The following ST3GAL3 variants were observed in gnomAD, a reference collection of about 807,000 sequenced individuals.
ST3GAL3 encodes the protein CMP-N-acetylneuraminate-beta-1,4-galactoside alpha-2,3-sialyltransferase.
In ST3GAL3, 21 loss-of-function variants were observed where a neutral mutation model predicts 50.1. The ratio of observed to expected loss-of-function variants is 0.42; its 90% CI spans 0.30 to 0.60. The LOEUF is 0.60. Ranked by LOEUF, ST3GAL3 falls within the 20% of genes least tolerant of loss-of-function variation. The pLI is 0.19. For synonymous variants in ST3GAL3, 183 were observed against 190.0 expected (o/e 0.96, Z 0.30); for missense variants, 353 against 489.4 (o/e 0.72, Z 2.63).
chr1:43,774,356 T>G (rs563684301), intron 2 of ST3GAL3, among the ~76,000 whole-genome samples: 3 of 152,310 alleles, frequency 2.0e-5, no homozygotes, highest in Admixed American at 2.0e-4. Flanking sequence ...ATTTTCTGTC[T>G]TATTGCCTTG....
chr1:43,905,596 G>A (rs1478730234), intron 9 of ST3GAL3, among the ~76,000 whole-genome samples: 2 of 14,038 alleles, frequency 1.4e-4, no homozygotes, highest in African/African-American at 2.3e-4. Flanking sequence ...TTCTCTTCCC[G>A]CCACTGTTTC....
chr1:43,928,283 C>T (rs2154299814), intron 11 of ST3GAL3, among the ~76,000 whole-genome samples: 1 of 152,306 alleles, frequency 6.6e-6, no homozygotes, highest in East Asian at 1.9e-4. Context: ...CAGCTCACTT[C>T]TCAGCACCAC....
rs563651305 is a variant in ST3GAL3 at position 43,852,472 on chromosome 1, T to C, written c.302+14161T>C. On this transcript the variant is annotated intron_variant, in intron 5 of 11. Transcript: ENST00000347631. ...TTGTGTATATAACTATTGGCTGGTA[T>C]TTCTTCTCCCATAGAGACTGTGAAC... Among the ~76,000 whole-genome samples, 5 of 152,340 alleles carry C rather than the reference T, an allele frequency of 3.3e-5. No individual in the cohort carries two copies. In the East Asian group the frequency reaches 9.6e-4, roughly 29 times the overall value.
intron 5 of ST3GAL3, among the ~76,000 whole-genome samples, chr1:43,883,436 C>T (rs758302288): frequency 1.2e-4 from 18 of 152,198 alleles, no homozygotes; most frequent in Admixed American, 1.2e-3. Context: ...TCCACTGCAA[C>T]GTGCCAACAA....
chr1:43,846,063 G>A (rs902807613), intron 5 of ST3GAL3, among the ~76,000 whole-genome samples: 5 of 152,082 alleles, frequency 3.3e-5, no homozygotes, highest in African/African-American at 4.8e-5. Flanking sequence ...AAATATGGTC[G>A]ATTTTGGTGA....
At chr1:43,821,200 G>A (rs956273876) in intron 4 of ST3GAL3, among the ~76,000 whole-genome samples, 7 of 152,160 alleles carry the variant, frequency 4.6e-5, no homozygotes, top group Non-Finnish European at 8.8e-5. Flanking sequence ...AGAACAGGAA[G>A]GGAGGGTAAA....
At chr1:43,796,597 C>T (rs1288777331) in intron 3 of ST3GAL3, among the ~76,000 whole-genome samples, 2 of 152,150 alleles carry the variant, frequency 1.3e-5, no homozygotes, top group East Asian at 1.9e-4. Context: ...ATTTGCTGCC[C>T]GAACCCAACC....
At position 43,899,448 on chromosome 1, in the gene ST3GAL3, C is replaced by G; in HGVS notation, c.558-93C>G. On this transcript the variant is annotated intron_variant, in intron 8 of 11. Coordinates refer to ENST00000347631, the MANE Select transcript of ST3GAL3 (RefSeq NM_006279.5). This position sits in a 1 kb window ranked among gnomAD's most constrained non-coding sequence, Gnocchi z 5.4. Reference sequence around the variant, plus strand: ...CCTGGGGAGAATAGGTCCAGGTGACCTGGACTCCCTATTCTCCATGCCTGG... The same window carrying G: ...CCTGGGGAGAATAGGTCCAGGTGACGTGGACTCCCTATTCTCCATGCCTGG... The G allele has an allele frequency of 6.3e-7, 1 of 1,586,674 alleles. No individual in the cohort carries two copies. The highest frequency in any genetic ancestry group is 8.6e-7 in the Non-Finnish European group (1 of 1,166,590).
At position 43,782,494 on chromosome 1, in the gene ST3GAL3, A is replaced by G. The variant is rs138108253; in HGVS notation, c.119-9608A>G. Among the ~76,000 whole-genome samples, 164 of 152,312 alleles carry G rather than the reference A, an allele frequency of 1.1e-3. 1 individual carries two copies. Among genetic ancestry groups the G allele is most frequent in the African/African-American group, 3.8e-3 (157 of 41,572 alleles). On this transcript the variant is annotated intron_variant, in intron 2 of 11. Coordinates refer to ENST00000347631, the MANE Select transcript of ST3GAL3 (RefSeq NM_006279.5). ...TCTCTACTCTGTCTACTTTTACTCA[A>G]TAAAATCCAGACTCCTAACTTGGTA...
intron 2 of ST3GAL3, 137 bp downstream of exon 2, chr1:43,736,517 A>C: frequency 1.8e-5 from 27 of 1,512,510 alleles, no homozygotes; most frequent in Non-Finnish European, 2.5e-5. Flanking sequence ...TTTGGCCTAG[A>C]AATTGCCTGC....
At chr1:43,780,880 T>C (rs1191616670) in intron 2 of ST3GAL3, among the ~76,000 whole-genome samples, 4 of 152,190 alleles carry the variant, frequency 2.6e-5, no homozygotes, top group Non-Finnish European at 5.9e-5. Context: ...TCATTTGTTT[T>C]GGTCTCCTGT....
At chr1:43,921,085 A>G (rs1196784787) in intron 11 of ST3GAL3, 157 bp downstream of exon 11, 3 of 890,834 alleles carry the variant, frequency 3.4e-6, no homozygotes, top group Non-Finnish European at 5.2e-6. Flanking sequence ...ACAGCCTCCC[A>G]CTGAACCCAG....
At chr1:43,909,840 A>G (rs991089693) in intron 9 of ST3GAL3, among the ~76,000 whole-genome samples, 5 of 152,270 alleles carry the variant, frequency 3.3e-5, no homozygotes, top group African/African-American at 1.2e-4. Context: ...AACTGAACAG[A>G]TCACACAGAA....
chr1:43,877,014 G>A (rs963507855), intron 5 of ST3GAL3, among the ~76,000 whole-genome samples: 32 of 152,152 alleles, frequency 2.1e-4, no homozygotes, highest in Admixed American at 2.1e-3. Flanking sequence ...TATGGGGGCT[G>A]GAATTCTTAT....
In ST3GAL3 at chr1:43,899,051, T is replaced by C; in HGVS notation, c.462-117T>C. On this transcript the variant is annotated intron_variant, in intron 7 of 11. Transcript: ENST00000347631. This position sits in a 1 kb window ranked among gnomAD's most constrained non-coding sequence, Gnocchi z 5.4. ...AATGCTGCCAGAAGCCCATTGGTCT[T>C]CTTCCTCTATCCCAGCCTGGTCCTG... The C allele has an allele frequency of 6.8e-7, 1 of 1,459,902 alleles. No homozygotes were observed. The highest frequency in any genetic ancestry group is 9.4e-7 in the Non-Finnish European group (1 of 1,067,124). The allele number at this position is 1,459,902 out of a possible 1,614,324, so 90.4% of individuals were successfully genotyped here.
At position 43,915,857 on chromosome 1, in the gene ST3GAL3, G is replaced by A. The variant is rs186206099; in HGVS notation, c.745-4547G>A. Among the ~76,000 whole-genome samples the A allele has an allele frequency of 2.5e-4, 38 of 152,314 alleles. 1 individual carries two copies. The highest frequency in any genetic ancestry group is 2.0e-3 in the Admixed American group (30 of 15,304). Reference sequence around the variant, plus strand: ...TGAGAGGCTGGGCGCAGTGGCTCACGCCTGTAATCCCAGCACTTTGGGAGG... The same window carrying A: ...TGAGAGGCTGGGCGCAGTGGCTCACACCTGTAATCCCAGCACTTTGGGAGG... On this transcript the variant is annotated intron_variant, in intron 9 of 11. Transcript: ENST00000347631.
intron 2 of ST3GAL3, among the ~76,000 whole-genome samples, chr1:43,744,658 AT>A (rs1682709165): frequency 3.9e-5 from 5 of 127,280 alleles, no homozygotes; most frequent in African/African-American, 2.3e-4. Context: ...CTCTCAAAAA[AT>A]AAATAAATAA....
At chr1:43,924,010 T>C (rs1046005218) in intron 11 of ST3GAL3, among the ~76,000 whole-genome samples, 2 of 151,944 alleles carry the variant, frequency 1.3e-5, no homozygotes, top group Non-Finnish European at 2.9e-5. Flanking sequence ...TTCCATTACA[T>C]TGGGGGTTAG....
At chr1:43,760,484 A>T (rs1353369392) in intron 2 of ST3GAL3, among the ~76,000 whole-genome samples, 1 of 152,250 alleles carries the variant, frequency 6.6e-6, no homozygotes, top group African/African-American at 2.4e-5. Flanking sequence ...GGCCAGGCGC[A>T]GTGGCTCACG....
Sources: gnomAD v4.1 joint callset for allele counts (sites outside exome capture counted in the v4.1 genomes callset) on GRCh38, gnomAD v4.1.1 for gene constraint, Gnocchi (gnomAD v3.1) non-coding constraint, MANE v1.5 for transcripts, NCBI Gene and HGNC (gene_info 2026-07-23, HGNC 2026-07-21) for gene names.